ERC2: variants seen among roughly 807,000 people sequenced by gnomAD.
ERC2 encodes ERC protein 2.
In ERC2, 42 loss-of-function variants were observed where a neutral mutation model predicts 114.8. The observed-to-expected ratio is 0.37, with a 90% CI of 0.29 to 0.47. The LOEUF (loss-of-function observed/expected upper bound fraction) is 0.47. Ranked by LOEUF, ERC2 falls within the 20% of genes least tolerant of loss-of-function variation. The pLI, the probability that ERC2 is intolerant of heterozygous loss-of-function variation, is 0.99. For missense variants in ERC2, 939 were observed against 1,150.7 expected, an observed-to-expected ratio of 0.82 and a Z score of 2.66; for synonymous variants, 454 against 425.5, an observed-to-expected ratio of 1.07 and a Z score of -0.82.
intron 14 of ERC2, among the ~76,000 whole-genome samples, chr3:55,871,156 C>A (rs1426371750): frequency 6.6e-6 from 1 of 152,170 alleles, no homozygotes; most frequent in Non-Finnish European, 1.5e-5. Context: ...AATAGACATT[C>A]AAATAATCAA....
chr3:55,779,758 A>C (rs1363018617), intron 14 of ERC2, among the ~76,000 whole-genome samples: 2 of 152,242 alleles, frequency 1.3e-5, no homozygotes, highest in African/African-American at 4.8e-5. Flanking sequence ...ACATTACGTT[A>C]GTAAGTCAAG....
chr3:55,704,991 C>T (rs1361016274), intron 15 of ERC2, among the ~76,000 whole-genome samples: 1 of 152,178 alleles, frequency 6.6e-6, no homozygotes, highest in Admixed American at 6.5e-5. Context: ...AACTATTCAG[C>T]TAGTGAGTAG....
intron 17 of ERC2, among the ~76,000 whole-genome samples, chr3:55,604,686 A>T (rs2058565468): frequency 6.6e-6 from 1 of 152,198 alleles, no homozygotes; most frequent in Non-Finnish European, 1.5e-5. Context: ...GACTGCCTGG[A>T]GGGATTTAAG....
At chr3:56,266,762 G>A (rs1560489218) in intron 3 of ERC2, among the ~76,000 whole-genome samples, 1 of 152,084 alleles carries the variant, frequency 6.6e-6, no homozygotes, top group Non-Finnish European at 1.5e-5. Context: ...CAAACAAGAG[G>A]TAACAAATGT....
chr3:56,385,376 C>T (rs1464878673), intron 2 of ERC2, among the ~76,000 whole-genome samples: 1 of 152,072 alleles, frequency 6.6e-6, no homozygotes, highest in Non-Finnish European at 1.5e-5. Context: ...CCAATCACTT[C>T]CCAAAGGCCC....
intron 6 of ERC2, among the ~76,000 whole-genome samples, chr3:56,084,808 C>T (rs780981516): frequency 1.7e-4 from 25 of 149,562 alleles, no homozygotes; most frequent in Non-Finnish European, 2.8e-4. Flanking sequence ...CACCACTATA[C>T]GATTTACTCA....
intron 2 of ERC2, among the ~76,000 whole-genome samples, chr3:56,339,228 G>C (rs1211217195): frequency 1.3e-5 from 2 of 152,164 alleles, no homozygotes; most frequent in Non-Finnish European, 2.9e-5. Context: ...ACAGCATATG[G>C]GAGTGCGCCA....
At chr3:55,606,159 C>A (rs945359336) in intron 17 of ERC2, among the ~76,000 whole-genome samples, 21 of 152,124 alleles carry the variant, frequency 1.4e-4, no homozygotes, top group Non-Finnish European at 2.2e-4. Context: ...AACAGATAGT[C>A]CAAACTCCGT....
At chr3:56,018,792 A>G (rs1369003353) in intron 8 of ERC2, 102 bp downstream of exon 8, 2 of 1,319,596 alleles carry the variant, frequency 1.5e-6, no homozygotes, top group Admixed American at 2.1e-5. Flanking sequence ...AGGTAGTGTT[A>G]GCAAAAGAAG....
intron 14 of ERC2, among the ~76,000 whole-genome samples, chr3:55,759,575 C>CA (rs1553659014): frequency 1.5e-5 from 2 of 131,552 alleles, no homozygotes; most frequent in Non-Finnish European, 3.3e-5. Flanking sequence ...TAAACAACAA[C>CA]AAAAAAATGT....
At chr3:55,749,734 C>G (rs1019826174) in intron 14 of ERC2, among the ~76,000 whole-genome samples, 1 of 152,156 alleles carries the variant, frequency 6.6e-6, no homozygotes, top group South Asian at 2.1e-4. Context: ...TCTGGCCACC[C>G]CAGCCAGCAG....
At chr3:55,580,074 TAGGTTGGTGCAAA>T (rs908952812) in intron 17 of ERC2, among the ~76,000 whole-genome samples, 12 of 152,224 alleles carry the variant, frequency 7.9e-5, no homozygotes, top group African/African-American at 2.9e-4. Context: ...TGATTGTATT[TAGGTTGGTGCAAA>T]AGTAATTGCA....
At chr3:56,008,660 C>G (rs1356208835) in intron 9 of ERC2, among the ~76,000 whole-genome samples, 2 of 152,164 alleles carry the variant, frequency 1.3e-5, no homozygotes, top group Non-Finnish European at 2.9e-5. Flanking sequence ...AGTTATTAAT[C>G]TAGGAGTTGC....
At chr3:55,848,324 T>C (rs1459039676) in intron 14 of ERC2, among the ~76,000 whole-genome samples, 3 of 152,184 alleles carry the variant, frequency 2.0e-5, no homozygotes, top group South Asian at 4.1e-4. Context: ...TCCCTCTTTT[T>C]CCTAATTATT....
intron 14 of ERC2, among the ~76,000 whole-genome samples, chr3:55,865,812 T>A (rs1171645595): frequency 6.6e-6 from 1 of 152,312 alleles, no homozygotes; most frequent in Admixed American, 6.5e-5. Flanking sequence ...CAAGTAATAG[T>A]GCATTGTATG....
At chr3:56,416,353 CT>C (rs1259908087) in intron 2 of ERC2, among the ~76,000 whole-genome samples, 1 of 152,086 alleles carries the variant, frequency 6.6e-6, no homozygotes, top group African/African-American at 2.4e-5. Flanking sequence ...TGAAAAACCC[CT>C]CTTCATACTG....
chr3:56,384,218 C>T (rs1249676197), intron 2 of ERC2, among the ~76,000 whole-genome samples: 1 of 152,058 alleles, frequency 6.6e-6, no homozygotes, highest in Non-Finnish European at 1.5e-5. Flanking sequence ...GGTATATATC[C>T]AGAAGTGGAA....
intron 17 of ERC2, among the ~76,000 whole-genome samples, chr3:55,550,390 G>A (rs1441576457): frequency 6.6e-6 from 1 of 152,128 alleles, no homozygotes; most frequent in African/African-American, 2.4e-5. Flanking sequence ...TTGAGGGCAG[G>A]GCAATCAGCC....
intron 10 of ERC2, among the ~76,000 whole-genome samples, chr3:55,998,732 C>T (rs974736186): frequency 3.9e-5 from 6 of 152,120 alleles, no homozygotes; most frequent in Non-Finnish European, 5.9e-5. Flanking sequence ...CCTGTAATGA[C>T]CTACAAAGCA....
Sources: allele counts gnomAD v4.1 joint callset (sites outside exome capture counted in the v4.1 genomes callset), GRCh38; gene constraint gnomAD v4.1.1; transcripts MANE v1.5; gene names NCBI Gene and HGNC (gene_info 2026-07-23, HGNC 2026-07-21).